The following RIMS2 variants were observed in gnomAD, a reference collection of about 807,000 sequenced individuals.
RIMS2 encodes the protein regulating synaptic membrane exocytosis protein 2.
A neutral mutation model predicts 174.4 loss-of-function variants in RIMS2; 59 were observed. The observed-to-expected ratio is 0.34, with a 90% CI of 0.27 to 0.42. RIMS2 has a LOEUF of 0.42. Ranked by LOEUF, RIMS2 falls within the 10% of genes least tolerant of loss-of-function variation. The pLI, the probability that RIMS2 is intolerant of heterozygous loss-of-function variation, is 1.00. For synonymous variants in RIMS2, 606 were observed against 572.5 expected (o/e 1.06, Z -0.84); for missense variants, 1,620 against 1,666.3 (o/e 0.97, Z 0.48).
intron 3 of RIMS2, among the ~76,000 whole-genome samples, chr8:103,861,285 C>A (rs1285631594): frequency 6.6e-6 from 1 of 152,084 alleles, no homozygotes; most frequent in Non-Finnish European, 1.5e-5. Context: ...CCAGCTCTAC[C>A]CATGCTGTTG....
At chr8:103,971,218 A>G (rs1054993578) in intron 15 of RIMS2, among the ~76,000 whole-genome samples, 1 of 152,194 alleles carries the variant, frequency 6.6e-6, no homozygotes, top group Non-Finnish European at 1.5e-5. Flanking sequence ...TTTCCCATTG[A>G]AAATGTTGAG....
chr8:104,233,614 T>G lies in RIMS2; in HGVS notation c.3335-11302T>G, dbSNP rs115902655. 4.5e-3 allele frequency among the ~76,000 whole-genome samples: 692 copies of G among 152,336 alleles called. 8 individuals are homozygous for G. Among genetic ancestry groups the G allele is most frequent in the African/African-American group, 0.016 (650 of 41,590 alleles). ...TTCTCTATGGCCACGAAGGTTTGTA[T>G]TGAAGAGTTGGCTTCATTGCTGTCA... is the stretch of plus-strand genomic sequence containing the variant. On this transcript the variant is annotated intron_variant, in intron 19 of 23. Coordinates refer to ENST00000504942, the Ensembl canonical transcript of RIMS2.
rs148013300 is a variant in RIMS2, at chr8:103,710,147, C to A, written c.387+12851C>A. 3.1e-3 allele frequency among the ~76,000 whole-genome samples: 467 copies of A among 151,862 alleles called. 2 individuals carry two copies. The highest frequency in any genetic ancestry group is 9.6e-3 in the African/African-American group (396 of 41,404). On this transcript the variant is annotated intron_variant, in intron 2 of 23. Transcript: ENST00000504942. The stretch of plus-strand genomic sequence containing the variant: ...AATACATTTCTTTGATTTTTCATAG[C>A]CCAAAAGGATTAATCTCAGTGAAAG...
chr8:104,030,431 T>C (rs2096365471), intron 19 of RIMS2, among the ~76,000 whole-genome samples: 1 of 152,224 alleles, frequency 6.6e-6, no homozygotes, highest in South Asian at 2.1e-4. Flanking sequence ...AGATATATAA[T>C]TATTTGTGAA....
chr8:103,818,458 A>G (rs1288297605), intron 3 of RIMS2, among the ~76,000 whole-genome samples: 3 of 152,222 alleles, frequency 2.0e-5, no homozygotes, highest in Non-Finnish European at 4.4e-5. Context: ...TTCACTGAGA[A>G]TAGATGATGA....
chr8:104,094,255 G>A lies in RIMS2; in HGVS notation c.3334+79640G>A, dbSNP rs1051163520. Among the ~76,000 whole-genome samples, 6 of 151,890 alleles carry A rather than the reference G, an allele frequency of 4.0e-5. No individual in the cohort carries two copies. In the East Asian group the frequency reaches 9.7e-4, roughly 24 times the overall value. ...CTTTTACCTTTTTTCATGTAATTTTGTAAAAGGAAAATATGATTTAAAAAC... is the reference window on the plus strand; with the variant it reads ...CTTTTACCTTTTTTCATGTAATTTTATAAAAGGAAAATATGATTTAAAAAC... On this transcript the variant is annotated intron_variant, in intron 19 of 23. Transcript: ENST00000504942.
At chr8:103,785,177 G>A (rs1161507972) in intron 3 of RIMS2, among the ~76,000 whole-genome samples, 35 of 144,058 alleles carry the variant, frequency 2.4e-4, no homozygotes, top group East Asian at 9.9e-4. Context: ...GGGCTGAGAC[G>A]ATGGGGTTTT....
intron 2 of RIMS2, among the ~76,000 whole-genome samples, chr8:103,748,001 G>A (rs1442772070): frequency 6.6e-6 from 1 of 152,120 alleles, no homozygotes; most frequent in African/African-American, 2.4e-5. Flanking sequence ...GACTATACCT[G>A]ATAAGTGATG....
intron 3 of RIMS2, among the ~76,000 whole-genome samples, chr8:103,804,605 C>T (rs940911215): frequency 6.6e-6 from 1 of 152,240 alleles, no homozygotes; most frequent in Non-Finnish European, 1.5e-5. Context: ...TCCTTACTGA[C>T]TCTTATTTCT....
At chr8:103,915,401 T>C in intron 6 of RIMS2, 94 bp from the exon 10 acceptor site, 1 of 580,020 alleles carries the variant, frequency 1.7e-6, no homozygotes, top group Non-Finnish European at 3.1e-6. Context: ...GCGTTTTAGG[T>C]GTTGCAAATT....
At chr8:103,502,506 T>C (rs974550332) in intron 1 of RIMS2, among the ~76,000 whole-genome samples, 4 of 152,170 alleles carry the variant, frequency 2.6e-5, no homozygotes, top group Non-Finnish European at 4.4e-5. Context: ...TGAATACTTA[T>C]TTGGGAATGT....
At chr8:104,147,332 T>C (rs1289982933) in intron 19 of RIMS2, among the ~76,000 whole-genome samples, 1 of 152,160 alleles carries the variant, frequency 6.6e-6, no homozygotes, top group Admixed American at 6.5e-5. Context: ...GTGAGGGATA[T>C]AATAGTATAC....
intron 19 of RIMS2, among the ~76,000 whole-genome samples, chr8:104,239,616 G>A (rs553043958): frequency 6.6e-6 from 1 of 152,030 alleles, no homozygotes; most frequent in East Asian, 1.9e-4. Context: ...TAATGGTTAA[G>A]TTTTTACAGT....
At chr8:104,143,084 T>C (rs1465977037) in intron 19 of RIMS2, among the ~76,000 whole-genome samples, 2 of 152,228 alleles carry the variant, frequency 1.3e-5, no homozygotes, top group African/African-American at 4.8e-5. Flanking sequence ...CAAGTTCTTA[T>C]GCAGCCTTAT....
intron 1 of RIMS2, among the ~76,000 whole-genome samples, chr8:103,671,362 T>A (rs113360795): frequency 9.0e-4 from 137 of 152,346 alleles, no homozygotes; most frequent in African/African-American, 3.2e-3. Flanking sequence ...CTTAATAATT[T>A]CAGTGCTGGC....
chr8:103,841,455 G>A (rs1035531798), intron 3 of RIMS2, among the ~76,000 whole-genome samples: 7 of 151,530 alleles, frequency 4.6e-5, no homozygotes, highest in African/African-American at 1.7e-4. Context: ...GTAAATGACC[G>A]TTATCAGCAA....
chr8:103,708,028 T>C (rs1351224524), intron 2 of RIMS2, among the ~76,000 whole-genome samples: 1 of 152,232 alleles, frequency 6.6e-6, no homozygotes, highest in African/African-American at 2.4e-5. Context: ...ATCTCTGCAC[T>C]GTATTGCCTG....
intron 1 of RIMS2, among the ~76,000 whole-genome samples, chr8:103,549,964 T>G (rs886587170): frequency 7.9e-5 from 12 of 152,266 alleles, no homozygotes; most frequent in African/African-American, 2.9e-4. Context: ...AGCAAGTTCT[T>G]AGAGACCTAC....
At chr8:103,891,036 A>T (rs916759896) in intron 4 of RIMS2, among the ~76,000 whole-genome samples, 81 of 151,960 alleles carry the variant, frequency 5.3e-4, no homozygotes, top group African/African-American at 1.9e-3. Context: ...ATCCCCAGAC[A>T]TTACAAAATA....
Sources: gnomAD v4.1 joint callset for allele counts (sites outside exome capture counted in the v4.1 genomes callset) on GRCh38, gnomAD v4.1.1 for gene constraint, MANE v1.5 for transcripts, NCBI Gene and HGNC (gene_info 2026-07-23, HGNC 2026-07-21) for gene names.